RANBP2: variants seen among roughly 807,000 people sequenced by gnomAD.
RANBP2 encodes the protein E3 SUMO-protein ligase RanBP2.
RANBP2 carries 57 observed loss-of-function variants against 303.6 expected under a neutral mutation model. That is an observed-to-expected ratio of 0.19 (90% CI 0.15 to 0.23). The LOEUF (loss-of-function observed/expected upper bound fraction) is 0.23. Ranked by LOEUF, RANBP2 falls within the 10% of genes least tolerant of loss-of-function variation. RANBP2 has a pLI of 1.00. For synonymous variants in RANBP2, 1,167 were observed against 1,301.5 expected, an observed-to-expected ratio of 0.90 and a Z score of 2.23; for missense variants, 3,138 against 3,780.8, an observed-to-expected ratio of 0.83 and a Z score of 4.46.
the RANBP2 span, among the ~76,000 whole-genome samples, chr2:109,377,927 T>C: frequency 6.6e-6 from 1 of 152,234 alleles, no homozygotes; most frequent in Non-Finnish European, 1.5e-5. Context: ...ACAGCTCTCA[T>C]TGGGAGCGGA....
the RANBP2 span, among the ~76,000 whole-genome samples, chr2:109,631,104 A>G: frequency 2.0e-5 from 3 of 152,196 alleles, no homozygotes; most frequent in African/African-American, 7.2e-5. Flanking sequence ...TCCAAGATTA[A>G]TAACTTGAAA....
chr2:109,334,941 T>C, the RANBP2 span, among the ~76,000 whole-genome samples: 1 of 152,242 alleles, frequency 6.6e-6, no homozygotes, highest in East Asian at 1.9e-4. Context: ...AAGGTTCTGC[T>C]TTTAACTCTT....
the RANBP2 span, chr2:108,895,727 A>C: frequency 3.3e-5 from 5 of 152,228 alleles, no homozygotes; most frequent in Non-Finnish European, 7.3e-5. Flanking sequence ...AGGCAGAGAG[A>C]GGAAAAGACA....
intron 1 of RANBP2, among the ~76,000 whole-genome samples, chr2:108,721,040 C>G (rs1177789272): frequency 6.6e-6 from 1 of 151,998 alleles, no homozygotes; most frequent in East Asian, 1.9e-4. Context: ...CAGAGGGAGA[C>G]TCCAAAAAAA....
chr2:108,724,186 A>G (rs1816214), intron 1 of RANBP2, among the ~76,000 whole-genome samples: 14,373 of 152,132 alleles, frequency 0.094, 2,288 homozygotes, highest in African/African-American at 0.32. Context: ...GTTTTGGGAC[A>G]GAGTCTTGCT....
At chr2:109,122,612 C>G in the RANBP2 span, among the ~76,000 whole-genome samples, 268 of 152,272 alleles carry the variant, frequency 1.8e-3, 3 homozygotes, top group African/African-American at 5.4e-3. Context: ...GCTCATGCCT[C>G]TAATCTTAGC....
chr2:108,723,370 C>T (rs1375928135), intron 1 of RANBP2, among the ~76,000 whole-genome samples: 12 of 151,542 alleles, frequency 7.9e-5, no homozygotes, highest in African/African-American at 1.2e-4. Flanking sequence ...AACTCTGCCT[C>T]CCGGGTTCAC....
chr2:109,243,443 G>C, the RANBP2 span, among the ~76,000 whole-genome samples: 1 of 152,186 alleles, frequency 6.6e-6, no homozygotes, highest in Non-Finnish European at 1.5e-5. Context: ...AATGAGGAAG[G>C]GATTTTCGTA....
At chr2:109,024,508 A>G in the RANBP2 span, among the ~76,000 whole-genome samples, 2 of 152,236 alleles carry the variant, frequency 1.3e-5, no homozygotes, top group African/African-American at 4.8e-5. Context: ...TGAGAAAATT[A>G]CAGCAGTGAG....
At chr2:109,729,366 G>T in the RANBP2 span, among the ~76,000 whole-genome samples, 3 of 152,080 alleles carry the variant, frequency 2.0e-5, no homozygotes, top group East Asian at 1.9e-4. Flanking sequence ...TACAAAGCTG[G>T]CTGGGAGCAG....
At chr2:109,259,141 C>A in the RANBP2 span, among the ~76,000 whole-genome samples, 1 of 152,234 alleles carries the variant, frequency 6.6e-6, no homozygotes. Context: ...CAACATGCCA[C>A]GCGGCTTGTG....
At chr2:109,100,206 C>T in the RANBP2 span, among the ~76,000 whole-genome samples, 1 of 152,224 alleles carries the variant, frequency 6.6e-6, no homozygotes, top group South Asian at 2.1e-4. Context: ...CAGTACCAGT[C>T]TGTGGCCTGT....
At chr2:108,962,191 C>T in the RANBP2 span, among the ~76,000 whole-genome samples, 10 of 152,178 alleles carry the variant, frequency 6.6e-5, no homozygotes, top group South Asian at 2.1e-4. Flanking sequence ...TGGCAGATGG[C>T]GCATTGCAGA....
chr2:108,984,104 T>C, the RANBP2 span, among the ~76,000 whole-genome samples: 2 of 152,218 alleles, frequency 1.3e-5, no homozygotes, highest in Non-Finnish European at 1.5e-5. Context: ...AGGGTCTTCA[T>C]AATTTTTCTC....
chr2:109,184,611 G>C, the RANBP2 span, among the ~76,000 whole-genome samples: 1 of 152,156 alleles, frequency 6.6e-6, no homozygotes, highest in African/African-American at 2.4e-5. Context: ...GGGTGCTCCT[G>C]TGCCTCCATG....
At chr2:109,012,618 T>A in the RANBP2 span, among the ~76,000 whole-genome samples, 147 of 80,142 alleles carry the variant, frequency 1.8e-3, 1 homozygote, top group East Asian at 0.015. Flanking sequence ...AAAAAAAAAT[T>A]TTTAAACTTC....
chr2:109,695,460 G>A, the RANBP2 span, among the ~76,000 whole-genome samples: 2 of 152,190 alleles, frequency 1.3e-5, no homozygotes, highest in South Asian at 4.1e-4. Flanking sequence ...GCTTATGATT[G>A]TGAATTCTGC....
the RANBP2 span, among the ~76,000 whole-genome samples, chr2:109,662,651 T>C: frequency 6.6e-6 from 1 of 152,170 alleles, no homozygotes; most frequent in Non-Finnish European, 1.5e-5. Flanking sequence ...CCTCAGGTGA[T>C]CTGCCTACCT....
At chr2:109,701,518 C>CT in the RANBP2 span, among the ~76,000 whole-genome samples, 2 of 152,154 alleles carry the variant, frequency 1.3e-5, no homozygotes, top group African/African-American at 4.8e-5. Context: ...GGTTGCATTC[C>CT]TTTGAGTCCT....
Sources: gnomAD v4.1 joint callset for allele counts (sites outside exome capture counted in the v4.1 genomes callset) on GRCh38, gnomAD v4.1.1 for gene constraint, MANE v1.5 for transcripts, NCBI Gene and HGNC (gene_info 2026-07-23, HGNC 2026-07-21) for gene names.